The following FLNC variants were observed in gnomAD, a reference collection of about 807,000 sequenced individuals.
The protein encoded by FLNC is filamin C.
FLNC carries 91 observed loss-of-function variants against 254.3 expected under a neutral mutation model. The observed-to-expected ratio is 0.36, with a 90% CI of 0.30 to 0.43. The LOEUF is 0.43. Among genes scored for constraint, FLNC ranks in the 20% least tolerant of loss-of-function variants. The probability of loss-of-function intolerance (pLI) is 1.00; values close to 1 mark genes in which losing one functional copy is unlikely to be tolerated. For synonymous variants in FLNC, 1,430 were observed against 1,577.2 expected (o/e 0.91, Z 2.21); for missense variants, 2,853 against 3,802.6 (o/e 0.75, Z 6.57).
chr7:128,846,893 C>T lies in FLNC; in HGVS notation c.4276C>T (p.Arg1426Trp), dbSNP rs763218103. 2.5e-6 allele frequency: 4 copies of T among 1,614,164 alleles called. No homozygotes were observed. Among genetic ancestry groups the T allele is most frequent in the South Asian group, 1.1e-5 (1 of 91,090 alleles). The part of the protein sequence containing the change: ...DYDVNITFGG[R>W]PIPGSPFRVP... The stretch of plus-strand genomic sequence containing the variant: ...TGACGTCAACATCACCTTCGGGGGG[C>T]GGCCCATCCCAGGTGTGCAGAGAGA... Residue 1426 changes from arginine (R) to tryptophan (W), a missense_variant, in exon 24 of 48, where the codon CGG (arginine) becomes TGG (tryptophan). Physicochemically the swap from Arg to Trp is moderately radical, Grantham distance 101. This residue lies in a region of FLNC where 1,573 missense variants were observed against 1,883.5 expected (regional missense o/e 0.84). Coordinates refer to ENST00000325888, the MANE Select transcript of FLNC (RefSeq NM_001458.5).
In FLNC at chr7:128,854,222, C is replaced by A; in HGVS notation, c.6727+6C>A. On this transcript the variant is annotated splice_donor_region_variant and intron_variant, in intron 40 of 47. Transcript: ENST00000325888. ...CATCACCCGGCAGCAGGAGGGTGAG[C>A]ACCGCACACTGGGCCGGCCGGGTCC... is the stretch of plus-strand genomic sequence containing the variant. 1 of 1,606,276 alleles carries A rather than the reference C, an allele frequency of 6.2e-7. No homozygotes were observed. The highest frequency in any genetic ancestry group is 8.5e-7 in the Non-Finnish European group (1 of 1,176,958).
At position 128,834,743 on chromosome 7, in the gene FLNC, G is replaced by A. The variant is rs1808031308; in HGVS notation, c.353-583G>A. Among the ~76,000 whole-genome samples, 4 of 152,106 alleles carry A rather than the reference G, an allele frequency of 2.6e-5. No individual in the cohort carries two copies. In the South Asian group the frequency reaches 8.3e-4, roughly 32 times the overall value. On this transcript the variant is annotated intron_variant, in intron 1 of 47. Coordinates refer to ENST00000325888, the MANE Select transcript of FLNC (RefSeq NM_001458.5). ...TATATAACACTCTAGGAAATACAAA[G>A]TAATCTATCGTGACAGAGAGCAGAT...
At chr7:128,850,693 A>T in intron 32 of FLNC, 110 bp from the exon 33 acceptor site, 1 of 1,525,232 alleles carries the variant, frequency 6.6e-7, no homozygotes, top group Non-Finnish European at 9.0e-7. Flanking sequence ...CTGTCTCTTG[A>T]TGCCTGGCTT....
At position 128,857,314 on chromosome 7, in the gene FLNC, C is replaced by A. The variant is rs1809109115; in HGVS notation, c.7758C>A (p.Ser2586Arg). 1 of 1,613,008 alleles carries A rather than the reference C, an allele frequency of 6.2e-7. No individual in the cohort carries two copies. Among genetic ancestry groups the A allele is most frequent in the Non-Finnish European group, 8.5e-7 (1 of 1,179,554 alleles). Reference protein sequence around the residue: ...KYGGPQHIVGSPFKAKVTGPR... With the variant: ...KYGGPQHIVGRPFKAKVTGPR... ...GTGGCCCCCAGCACATCGTGGGCAG[C>A]CCCTTCAAGGCCAAGGTCACTGGTG... is the stretch of plus-strand genomic sequence containing the variant. The change falls in exon 46 of 48, where the codon AGC (serine) becomes AGA (arginine). Residue 2586 changes from serine (S) to arginine (R), a missense_variant. This residue lies in a region of FLNC where 197 missense variants were observed against 351.5 expected (regional missense o/e 0.56). Transcript: ENST00000325888. The surrounding 1 kb of genome is among the most constrained non-coding windows in gnomAD (Gnocchi z 4.5).
At chr7:128,851,795 G>A (rs1288816404) in intron 35 of FLNC, among the ~76,000 whole-genome samples, 167 bp downstream of exon 35, 3 of 152,220 alleles carry the variant, frequency 2.0e-5, no homozygotes, top group Non-Finnish European at 4.4e-5. Context: ...TGTTCTCCAC[G>A]GCAGCTAAGA....
intron 33 of FLNC, 50 bp from the exon 34 acceptor site, chr7:128,851,182 T>C (rs774038978): frequency 1.2e-6 from 2 of 1,613,004 alleles, no homozygotes; most frequent in Non-Finnish European, 1.7e-6. Context: ...CAAGGTGGGC[T>C]CAGATAATCC....
chr7:128,852,641 G>A lies in FLNC; in HGVS notation c.5893G>A (p.Val1965Met), dbSNP rs771255247. 5 of 1,613,292 alleles carry A rather than the reference G, an allele frequency of 3.1e-6. No homozygotes were observed. In the South Asian group the frequency reaches 3.3e-5, roughly 11 times the overall value. ...SQLNVGTSTD[V>M]SLKITESDLS... ...GCTGAATGTGGGCACCTCCACGGAC[G>A]TGTCACTGAAGATCACCGAGAGTGA... The change falls in exon 36 of 48, where the codon GTG becomes ATG. Residue 1965 changes from valine (V) to methionine (M), a missense_variant. Val to Met is a conservative substitution (Grantham distance 21). Transcript: ENST00000325888.
Position 128,850,972 on chromosome 7 carries a change from C to G in FLNC, c.5539+29C>G, listed in dbSNP as rs769357490. 2.5e-6 allele frequency: 4 copies of G among 1,611,820 alleles called. No individual in the cohort carries two copies. In the African/African-American group the frequency reaches 5.3e-5, roughly 22 times the overall value. ...AGTTAGGGGCTGGGCTGGGCTGGGG[C>G]TTGGGTGAGAGGAGCAGGCCGTAGC... On this transcript the variant is annotated intron_variant, in intron 33 of 47. Coordinates refer to ENST00000325888, the MANE Select transcript of FLNC (RefSeq NM_001458.5).
In FLNC at chr7:128,840,533, C is replaced by T. The variant is rs773389369; in HGVS notation, c.1550-15C>T. On this transcript the variant is annotated splice_polypyrimidine_tract_variant and intron_variant, in intron 9 of 47. Transcript: ENST00000325888. ...TTGATCTGCCTTCTTCCCCACCCTG[C>T]CCCCATCTCCTCAGAGGGCACAGAG... The T allele has an allele frequency of 1.9e-6, 3 of 1,614,006 alleles. No homozygotes were observed. The highest frequency in any genetic ancestry group is 4.5e-5 in the East Asian group (2 of 44,898).
chr7:128,849,053 TG>T, intron 28 of FLNC, 71 bp downstream of exon 28: 1 of 1,591,650 alleles, frequency 6.3e-7, no homozygotes, highest in Non-Finnish European at 8.6e-7. Flanking sequence ...AACCCTGGCC[TG>T]GTCCCCAGGG....
At chr7:128,851,681 A>G in intron 35 of FLNC, 53 bp downstream of exon 35, 1 of 1,588,538 alleles carries the variant, frequency 6.3e-7, no homozygotes. Context: ...CACCGCATAC[A>G]GTGCACTCAT....
In FLNC at chr7:128,835,112, C is replaced by T. The variant is rs1195720884; in HGVS notation, c.353-214C>T. 6.6e-6 allele frequency among the ~76,000 whole-genome samples: 1 copy of T among 152,126 alleles called. No homozygotes were observed. The highest frequency in any genetic ancestry group is 1.5e-5 in the Non-Finnish European group (1 of 68,020). ...GAGGTGAGGGTACCTTCCAGAACCA[C>T]AGGAACACAGAGAAGCAGCCTTCTG... On this transcript the variant is annotated intron_variant, in intron 1 of 47. Coordinates refer to ENST00000325888, the MANE Select transcript of FLNC (RefSeq NM_001458.5). The surrounding 1 kb of genome is among the most constrained non-coding windows in gnomAD (Gnocchi z 5.3).
chr7:128,850,158 G>C, intron 31 of FLNC, 84 bp downstream of exon 31: 1 of 1,255,966 alleles, frequency 8.0e-7, no homozygotes, highest in Non-Finnish European at 1.1e-6. Flanking sequence ...GCCAGGGCGG[G>C]GACATGGTCT....
Position 128,857,153 on chromosome 7 carries a change from G to A in FLNC, c.7597G>A (p.Ala2533Thr). 3 of 1,614,130 alleles carry A rather than the reference G, an allele frequency of 1.9e-6. No individual in the cohort carries two copies. The highest frequency in any genetic ancestry group is 2.5e-6 in the Non-Finnish European group (3 of 1,180,026). Residue 2533 changes from alanine (A) to threonine (T), a missense_variant, in exon 46 of 48, where the codon GCC becomes ACC. Ala to Thr is a moderately conservative substitution (Grantham distance 58). Around this residue, in one of 10 missense-constraint regions of FLNC, gnomAD observed 197 missense variants for 351.5 expected, o/e 0.56. Coordinates refer to ENST00000325888, the MANE Select transcript of FLNC (RefSeq NM_001458.5). This position sits in a 1 kb window ranked among gnomAD's most constrained non-coding sequence, Gnocchi z 4.5. ...AGAGTTCATCGTGAACACCCTGAAT[G>A]CCGGCTCGGGGGCCTTGTCTGTCAC... is the stretch of plus-strand genomic sequence containing the variant. Reference protein sequence around the residue: ...SSEFIVNTLNAGSGALSVTID... With the variant: ...SSEFIVNTLNTGSGALSVTID...
chr7:128,857,017 A>G lies in FLNC; in HGVS notation c.7561+96A>G. 1.3e-6 allele frequency: 2 copies of G among 1,570,354 alleles called. No homozygotes were observed. The highest frequency in any genetic ancestry group is 1.8e-6 in the Non-Finnish European group (2 of 1,142,840). The stretch of plus-strand genomic sequence containing the variant: ...TCCAGAGGTAGGGGCCCTGCTTCCT[A>G]AGCCAGGAGTCCCCACAGAGGCTGT... On this transcript the variant is annotated intron_variant, in intron 45 of 47. Coordinates refer to ENST00000325888, the MANE Select transcript of FLNC (RefSeq NM_001458.5). This position sits in a 1 kb window ranked among gnomAD's most constrained non-coding sequence, Gnocchi z 4.5.
intron 1 of FLNC, 90 bp downstream of exon 1, chr7:128,831,079 C>A: frequency 1.6e-6 from 2 of 1,280,960 alleles, no homozygotes; most frequent in Non-Finnish European, 2.2e-6. Flanking sequence ...GCGCGGGGAG[C>A]TGAGAGACAG....
At chr7:128,854,996 T>TG in intron 42 of FLNC, 84 bp downstream of exon 42, 1 of 1,490,316 alleles carries the variant, frequency 6.7e-7, no homozygotes, top group Non-Finnish European at 9.3e-7. Context: ...AGGAGATGCT[T>TG]GGGGCCACAG....
At position 128,857,019 on chromosome 7, in the gene FLNC, G is replaced by A; in HGVS notation, c.7561+98G>A. The A allele has an allele frequency of 1.3e-6, 2 of 1,572,756 alleles. No homozygotes were observed. The highest frequency in any genetic ancestry group is 1.7e-6 in the Non-Finnish European group (2 of 1,145,022). ...CAGAGGTAGGGGCCCTGCTTCCTAA[G>A]CCAGGAGTCCCCACAGAGGCTGTCC... is the stretch of plus-strand genomic sequence containing the variant. On this transcript the variant is annotated intron_variant, in intron 45 of 47. Coordinates refer to ENST00000325888, the MANE Select transcript of FLNC (RefSeq NM_001458.5). This position sits in a 1 kb window ranked among gnomAD's most constrained non-coding sequence, Gnocchi z 4.5.
chr7:128,844,940 CG>C lies in FLNC; in HGVS notation c.3478del (p.Ala1160ProfsTer29). On this transcript the variant is annotated frameshift_variant, in exon 21 of 48. Transcript: ENST00000325888. LOFTEE classifies it high-confidence loss of function. ...GCCTGTGTTTGACCCGAGCAAGGTG[CG>C]GGCCAGTGGACCGGGCCTGGAGCGC... ...IRPVFDPSKV[R>X]ASGPGLERGK... 1 of 1,613,870 alleles carries C rather than the reference CG, an allele frequency of 6.2e-7. No homozygotes were observed. The highest frequency in any genetic ancestry group is 8.5e-7 in the Non-Finnish European group (1 of 1,180,038).
Sources: gnomAD v4.1 joint callset for allele counts (sites outside exome capture counted in the v4.1 genomes callset) on GRCh38, gnomAD v4.1.1 for gene constraint, gnomAD v4.1.1 regional missense constraint, Gnocchi (gnomAD v3.1) non-coding constraint, MANE v1.5 for transcripts, NCBI Gene and HGNC (gene_info 2026-07-23, HGNC 2026-07-21) for gene names.